Variants in SUCLG2 observed in about 807,000 individuals in gnomAD.
The protein encoded by SUCLG2 is succinate-CoA ligase GDP-forming subunit beta.
In SUCLG2, 42 loss-of-function variants were observed where a neutral mutation model predicts 47.9. The ratio of observed to expected loss-of-function variants is 0.88; its 90% CI spans 0.69 to 1.14. The LOEUF (loss-of-function observed/expected upper bound fraction) is 1.14, where lower values mean the gene tolerates loss of function less well. SUCLG2 is among the 50% of genes most tolerant of loss of function. The probability of loss-of-function intolerance (pLI) is 0.00; values close to 1 mark genes in which losing one functional copy is unlikely to be tolerated. For synonymous variants in SUCLG2, 195 were observed against 197.3 expected (o/e 0.99, Z 0.10); for missense variants, 571 against 525.9 (o/e 1.09, Z -0.84).
At chr3:67,488,709 T>C (rs12632008) in intron 9 of SUCLG2, among the ~76,000 whole-genome samples, 4,244 of 152,318 alleles carry the variant, frequency 0.028, 82 homozygotes, top group East Asian at 0.072. Flanking sequence ...TTTCTAATTG[T>C]TGCATTCAAT....
At chr3:67,381,404 C>T (rs1488817231) in intron 10 of SUCLG2, among the ~76,000 whole-genome samples, 5 of 152,000 alleles carry the variant, frequency 3.3e-5, no homozygotes, top group Non-Finnish European at 7.4e-5. Flanking sequence ...ATTCCCCAAC[C>T]CTCTCCCTGC....
At chr3:67,476,825 C>T (rs1704771826) in intron 9 of SUCLG2, among the ~76,000 whole-genome samples, 1 of 152,124 alleles carries the variant, frequency 6.6e-6, no homozygotes, top group African/African-American at 2.4e-5. Context: ...GAGACTGCAG[C>T]AGTGGAAGAT....
chr3:67,568,756 G>A (rs1033689809), intron 2 of SUCLG2, among the ~76,000 whole-genome samples: 2 of 152,106 alleles, frequency 1.3e-5, no homozygotes, highest in African/African-American at 2.4e-5. Flanking sequence ...GCGTGGTAGC[G>A]GGCGCCTGTA....
chr3:67,608,496 T>C (rs924471500), intron 2 of SUCLG2, among the ~76,000 whole-genome samples: 5 of 152,288 alleles, frequency 3.3e-5, no homozygotes, highest in Admixed American at 3.3e-4. Context: ...TATCAAATAT[T>C]GTTGAAGGCT....
At chr3:67,459,211 G>A (rs375954826) in intron 9 of SUCLG2, among the ~76,000 whole-genome samples, 3 of 151,948 alleles carry the variant, frequency 2.0e-5, no homozygotes, top group African/African-American at 4.8e-5. Flanking sequence ...TTAAGCTAAC[G>A]TGGCCTGCTT....
chr3:67,632,929 C>T (rs1389173503), intron 1 of SUCLG2, among the ~76,000 whole-genome samples: 1 of 152,062 alleles, frequency 6.6e-6, no homozygotes, highest in Non-Finnish European at 1.5e-5. Flanking sequence ...ATAACTATCA[C>T]ATCACCATAA....
At chr3:67,589,537 T>C (rs142745594) in intron 2 of SUCLG2, among the ~76,000 whole-genome samples, 107 of 152,304 alleles carry the variant, frequency 7.0e-4, no homozygotes, top group African/African-American at 2.3e-3. Context: ...GACTTAACCA[T>C]GGAATGAGGT....
chr3:67,643,108 A>T (rs907321256), intron 1 of SUCLG2, among the ~76,000 whole-genome samples: 1 of 152,218 alleles, frequency 6.6e-6, no homozygotes, highest in African/African-American at 2.4e-5. Context: ...AACATTCATC[A>T]AGTCTACAAT....
At chr3:67,509,887 GCT>G (rs1219884478) in intron 6 of SUCLG2, among the ~76,000 whole-genome samples, 2 of 152,154 alleles carry the variant, frequency 1.3e-5, no homozygotes, top group Non-Finnish European at 2.9e-5. Flanking sequence ...ACTCTTACAG[GCT>G]GAGTTTTCTA....
chr3:67,562,120 T>C (rs866936769), intron 2 of SUCLG2, among the ~76,000 whole-genome samples: 5 of 152,166 alleles, frequency 3.3e-5, no homozygotes, highest in African/African-American at 1.2e-4. Flanking sequence ...AAGACATCAA[T>C]TGACCATTCA....
chr3:67,570,928 G>T (rs1473444869), intron 2 of SUCLG2, among the ~76,000 whole-genome samples: 3 of 152,082 alleles, frequency 2.0e-5, no homozygotes, highest in Admixed American at 2.0e-4. Context: ...GGGTGTTTTG[G>T]GGAAACCTCA....
intron 9 of SUCLG2, among the ~76,000 whole-genome samples, chr3:67,413,419 T>C (rs1488553915): frequency 1.3e-5 from 2 of 152,164 alleles, no homozygotes; most frequent in Admixed American, 6.6e-5. Flanking sequence ...ATGGGTAACA[T>C]GGAGACAAAC....
downstream of SUCLG2, among the ~76,000 whole-genome samples, chr3:67,374,218 G>T (rs6788018): frequency 0.51 from 77,304 of 152,044 alleles, 19,810 homozygotes; most frequent in Middle Eastern, 0.6. Flanking sequence ...CATTAAGAAA[G>T]GATGTAAGAC....
At chr3:67,544,363 T>C (rs990812338) in intron 2 of SUCLG2, among the ~76,000 whole-genome samples, 3 of 152,108 alleles carry the variant, frequency 2.0e-5, no homozygotes, top group African/African-American at 7.2e-5. Context: ...ATGGGGATGA[T>C]TTCCTCCATG....
chr3:67,490,788 A>G (rs1705183499), intron 9 of SUCLG2, among the ~76,000 whole-genome samples: 1 of 152,208 alleles, frequency 6.6e-6, no homozygotes, highest in Non-Finnish European at 1.5e-5. Context: ...ATGAGGTAAT[A>G]CAAGTTTACA....
chr3:67,520,095 C>T (rs1706053109), intron 5 of SUCLG2, among the ~76,000 whole-genome samples: 1 of 152,130 alleles, frequency 6.6e-6, no homozygotes, highest in Non-Finnish European at 1.5e-5. Context: ...AAAGAGAATT[C>T]ATTCATCTCC....
chr3:67,496,644 A>G (rs1705348445), intron 8 of SUCLG2, among the ~76,000 whole-genome samples: 1 of 152,216 alleles, frequency 6.6e-6, no homozygotes, highest in Non-Finnish European at 1.5e-5. Flanking sequence ...TAAAACTGGA[A>G]CCAAAATGTG....
intron 1 of SUCLG2, among the ~76,000 whole-genome samples, chr3:67,628,364 T>C (rs1037927815): frequency 1.3e-5 from 2 of 152,232 alleles, no homozygotes; most frequent in African/African-American, 2.4e-5. Flanking sequence ...AAGGTAGATT[T>C]ACCCCTATAT....
In SUCLG2 at chr3:67,522,829, A is replaced by G. The variant is rs998205511; in HGVS notation, c.418-2195T>C. ...CAGGTGCCCGCCACCACACCCGGCT[A>G]ATTTTTTTGTATTTTTTAGTGGAGA... On this transcript the variant is annotated intron_variant, in intron 4 of 10. Transcript: ENST00000307227. 4.6e-5 allele frequency among the ~76,000 whole-genome samples: 7 copies of G among 150,650 alleles called. No individual in the cohort carries two copies. In the East Asian group the frequency reaches 1.4e-3, roughly 29 times the overall value.
Sources: allele counts gnomAD v4.1 joint callset (sites outside exome capture counted in the v4.1 genomes callset), GRCh38; gene constraint gnomAD v4.1.1; transcripts MANE v1.5; gene names NCBI Gene and HGNC (gene_info 2026-07-23, HGNC 2026-07-21).